The following AGAP1 variants were observed in gnomAD, a reference collection of about 807,000 sequenced individuals.
AGAP1 encodes ArfGAP with GTPase domain, ankyrin repeat and PH domain 1, also known as arf-GAP with GTPase, ANK repeat and PH domain-containing protein 1.
A neutral mutation model predicts 105.3 loss-of-function variants in AGAP1; 29 were observed. The ratio of observed to expected loss-of-function variants is 0.28; its 90% CI spans 0.21 to 0.38. The LOEUF is 0.38. AGAP1 is among the 10% of genes least tolerant of loss of function. The pLI, the probability that AGAP1 is intolerant of heterozygous loss-of-function variation, is 1.00. For synonymous variants in AGAP1, 509 were observed against 485.9 expected (o/e 1.05, Z -0.63); for missense variants, 998 against 1,165.1 (o/e 0.86, Z 2.09).
At position 235,751,736 on chromosome 2, in the gene AGAP1, C is replaced by T. The variant is rs1008707727; in HGVS notation, c.673+1248C>T. On this transcript the variant is annotated intron_variant, in intron 6 of 17. Transcript: ENST00000304032. The surrounding 1 kb of genome is among the most constrained non-coding windows in gnomAD (Gnocchi z 5.3). ...CGTCTCTTCCCGCGCATCTCTGCCTCTCAGATACTTACCTGTTTTTCAGCA... is the reference window on the plus strand; with the variant it reads ...CGTCTCTTCCCGCGCATCTCTGCCTTTCAGATACTTACCTGTTTTTCAGCA... Among the ~76,000 whole-genome samples, 1 of 152,208 alleles carries T rather than the reference C, an allele frequency of 6.6e-6. No individual in the cohort carries two copies. Among genetic ancestry groups the T allele is most frequent in the African/African-American group, 2.4e-5 (1 of 41,454 alleles).
intron 12 of AGAP1, among the ~76,000 whole-genome samples, chr2:235,947,852 G>T (rs559549988): frequency 6.6e-6 from 1 of 152,188 alleles, no homozygotes; most frequent in African/African-American, 2.4e-5. Context: ...TTAAGTCTAC[G>T]CTGAAGTTCT....
At chr2:235,509,325 C>T (rs925422596) in intron 1 of AGAP1, among the ~76,000 whole-genome samples, 1 of 152,002 alleles carries the variant, frequency 6.6e-6, no homozygotes, top group African/African-American at 2.4e-5. Flanking sequence ...CTCCCAGGTT[C>T]CTGGGTTCAA....
At chr2:235,675,547 G>T (rs1948692576) in intron 1 of AGAP1, among the ~76,000 whole-genome samples, 1 of 152,156 alleles carries the variant, frequency 6.6e-6, no homozygotes, top group African/African-American at 2.4e-5. Context: ...GAACTGATTA[G>T]TCTTTTGTTA....
rs113317282 is a variant in AGAP1 at position 235,895,699 on chromosome 2, T to TTGGATGGATGGA, written c.1155+12289_1155+12300dup. Among the ~76,000 whole-genome samples, 44 of 119,014 alleles carry TTGGATGGATGGA rather than the reference T, an allele frequency of 3.7e-4. No individual in the cohort carries two copies. The South Asian group carries it at 6.3e-3, about 17-fold the overall frequency. The allele number at this position is 119,014 out of a possible 152,430, so 78.1% of individuals were successfully genotyped here. Reference sequence around the variant, plus strand: ...CTCTAACATCTGGAACACTGGCTTGTTGGATGGATGGATGGATGGATGGAT... The same window carrying TTGGATGGATGGA: ...CTCTAACATCTGGAACACTGGCTTGTTGGATGGATGGATGGATGGATGGATGGATGGATGGAT... On this transcript the variant is annotated intron_variant, in intron 10 of 17. Transcript: ENST00000304032.
At chr2:235,809,945 G>C (rs73998929) in intron 9 of AGAP1, among the ~76,000 whole-genome samples, 3,907 of 152,218 alleles carry the variant, frequency 0.026, 176 homozygotes, top group African/African-American at 0.09. Context: ...TATGGTAGCT[G>C]TGTTCTCCTT....
chr2:235,814,645 A>G (rs1473541576), intron 9 of AGAP1, among the ~76,000 whole-genome samples: 1 of 152,116 alleles, frequency 6.6e-6, no homozygotes, highest in Non-Finnish European at 1.5e-5. Context: ...GACGGGTGTC[A>G]CGCCAAGGAG....
rs4663637 is a variant in AGAP1, at chr2:236,061,718, C to G, written c.2114+12437C>G. The stretch of plus-strand genomic sequence containing the variant: ...GGGGAGGGAGGGGCAGTGGCGTATA[C>G]GGAGTGATTGCCTAATGAGTACGAA... On this transcript the variant is annotated intron_variant, in intron 16 of 17. Coordinates refer to ENST00000304032, the MANE Select transcript of AGAP1 (RefSeq NM_001037131.3). This position sits in a 1 kb window ranked among gnomAD's most constrained non-coding sequence, Gnocchi z 4.1. Among the ~76,000 whole-genome samples, 115,148 of 151,824 alleles carry G rather than the reference C, an allele frequency of 0.76. 43,888 individuals carry two copies. The highest frequency in any genetic ancestry group is 0.92 in the East Asian group (4,762 of 5,160).
chr2:235,652,335 C>T (rs1416759984), intron 1 of AGAP1, among the ~76,000 whole-genome samples: 3 of 152,104 alleles, frequency 2.0e-5, no homozygotes, highest in Non-Finnish European at 2.9e-5. Context: ...CCCTCAGACC[C>T]CCCCTACCCC....
chr2:235,836,585 G>T (rs1455779130), intron 9 of AGAP1, among the ~76,000 whole-genome samples: 1 of 152,214 alleles, frequency 6.6e-6, no homozygotes, highest in East Asian at 1.9e-4. Context: ...TGGAAATCTG[G>T]TGTCTGTCAC....
chr2:235,771,677 C>A (rs1205461101), intron 6 of AGAP1, among the ~76,000 whole-genome samples: 1 of 152,156 alleles, frequency 6.6e-6, no homozygotes, highest in Non-Finnish European at 1.5e-5. Flanking sequence ...GTGGTGGGTG[C>A]TCATCTGCGT....
At chr2:235,759,939 T>C (rs1039436712) in intron 6 of AGAP1, among the ~76,000 whole-genome samples, 1 of 152,072 alleles carries the variant, frequency 6.6e-6, no homozygotes, top group Non-Finnish European at 1.5e-5. Context: ...GAAAAATACT[T>C]TTGAGTTACT....
Position 235,990,204 on chromosome 2 carries a change from A to G in AGAP1, c.1645+21581A>G, listed in dbSNP as rs543614327. On this transcript the variant is annotated intron_variant, in intron 13 of 17. Transcript: ENST00000304032. ...AGCTCAAATATTATCTGTTATGTCA[A>G]AGTTACTATTTGAGCTGTAGATGCT... Among the ~76,000 whole-genome samples the G allele has an allele frequency of 2.6e-5, 4 of 152,270 alleles. No homozygotes were observed. The East Asian group carries it at 7.7e-4, about 29-fold the overall frequency.
At chr2:235,803,580 C>T (rs1195599618) in intron 8 of AGAP1, among the ~76,000 whole-genome samples, 7 of 152,308 alleles carry the variant, frequency 4.6e-5, no homozygotes, top group Admixed American at 6.5e-5. Flanking sequence ...ATTAGAACAT[C>T]ATAAAGAGGC....
chr2:235,696,042 T>A (rs1949982501), intron 1 of AGAP1, among the ~76,000 whole-genome samples: 1 of 152,124 alleles, frequency 6.6e-6, no homozygotes, highest in Non-Finnish European at 1.5e-5. Flanking sequence ...CCTGCATGAT[T>A]GTTTTGTTTA....
intron 1 of AGAP1, among the ~76,000 whole-genome samples, chr2:235,650,074 T>A (rs1947529504): frequency 1.3e-5 from 2 of 152,206 alleles, no homozygotes; most frequent in Non-Finnish European, 2.9e-5. Flanking sequence ...AAGAATTGAT[T>A]AAACCAGCTA....
intron 16 of AGAP1, among the ~76,000 whole-genome samples, chr2:236,079,791 G>A (rs1318165197): frequency 6.6e-6 from 1 of 152,030 alleles, no homozygotes; most frequent in Non-Finnish European, 1.5e-5. Context: ...TATAAAAGAG[G>A]ACCCCCCAAT....
At chr2:235,764,385 C>T (rs1954738741) in intron 6 of AGAP1, among the ~76,000 whole-genome samples, 1 of 152,160 alleles carries the variant, frequency 6.6e-6, no homozygotes, top group African/African-American at 2.4e-5. Context: ...ATGTTTATTC[C>T]TTTTCTGCCT....
Position 235,712,176 on chromosome 2 carries a change from C to G in AGAP1, c.222+2939C>G, listed in dbSNP as rs1462923707. Among the ~76,000 whole-genome samples the G allele has an allele frequency of 6.6e-6, 1 of 152,324 alleles. No individual in the cohort carries two copies. Among genetic ancestry groups the G allele is most frequent in the African/African-American group, 2.4e-5 (1 of 41,572 alleles). ...TAGCTGGGATGACAGGCACCCACCACCACATCTGGCTAATTTTTTATTTTT... is the reference window on the plus strand; with the variant it reads ...TAGCTGGGATGACAGGCACCCACCAGCACATCTGGCTAATTTTTTATTTTT... On this transcript the variant is annotated intron_variant, in intron 2 of 17. Coordinates refer to ENST00000304032, the MANE Select transcript of AGAP1 (RefSeq NM_001037131.3). This position sits in a 1 kb window ranked among gnomAD's most constrained non-coding sequence, Gnocchi z 6.0.
chr2:236,036,619 T>C lies in AGAP1; in HGVS notation c.1704T>C (p.Phe568=). 1 of 1,614,204 alleles carries C rather than the reference T, an allele frequency of 6.2e-7. No individual in the cohort carries two copies. The highest frequency in any genetic ancestry group is 8.5e-7 in the Non-Finnish European group (1 of 1,180,040). The change falls in exon 14 of 18, where the codon TTT becomes TTC. Residue 568 remains phenylalanine, a synonymous_variant. Transcript: ENST00000304032. This position sits in a 1 kb window ranked among gnomAD's most constrained non-coding sequence, Gnocchi z 5.7. The part of the protein sequence containing the change: ...IVSLTGQTWH[F]EATTYEERDA... Reference sequence around the variant, plus strand: ...CCCTCACTGGCCAAACATGGCACTTTGAAGCCACGACGTATGAGGAGCGGG... The same window carrying C: ...CCCTCACTGGCCAAACATGGCACTTCGAAGCCACGACGTATGAGGAGCGGG...
Sources: gnomAD v4.1 joint callset for allele counts (sites outside exome capture counted in the v4.1 genomes callset) on GRCh38, gnomAD v4.1.1 for gene constraint, Gnocchi (gnomAD v3.1) non-coding constraint, MANE v1.5 for transcripts, NCBI Gene and HGNC (gene_info 2026-07-23, HGNC 2026-07-21) for gene names.